The following TMEM212 variants were observed in gnomAD, a reference collection of about 807,000 sequenced individuals.
The protein encoded by TMEM212 is transmembrane protein 212.
TMEM212 carries 23 observed loss-of-function variants against 20.5 expected under a neutral mutation model. The observed-to-expected ratio is 1.12, with a 90% CI of 0.81 to 1.59. TMEM212 has a LOEUF of 1.59. Among genes scored for constraint, TMEM212 ranks in the 40% most tolerant of loss-of-function variants. The pLI is 0.00. For synonymous variants in TMEM212, 76 were observed against 81.6 expected, an observed-to-expected ratio of 0.93 and a Z score of 0.37; for missense variants, 211 against 215.0, an observed-to-expected ratio of 0.98 and a Z score of 0.12.
At chr3:171,853,459 C>A (rs1725035455) in intron 2 of TMEM212, 68 bp from the exon 3 acceptor site, 5 of 1,322,036 alleles carry the variant, frequency 3.8e-6, no homozygotes, top group Non-Finnish European at 3.0e-6. Context: ...TTATTTTCTT[C>A]ATATTGCTAA....
At chr3:171,855,553 A>T (rs555126063) in intron 3 of TMEM212, among the ~76,000 whole-genome samples, 206 of 152,324 alleles carry the variant, frequency 1.4e-3, no homozygotes, top group African/African-American at 4.6e-3. Flanking sequence ...AGCATAAAGG[A>T]TACAGTGGTA....
chr3:171,844,662 T>TGC (rs1724793362), intron 1 of TMEM212, among the ~76,000 whole-genome samples: 1 of 151,962 alleles, frequency 6.6e-6, no homozygotes, highest in African/African-American at 2.4e-5. Flanking sequence ...GCCGAGATCA[T>TGC]ACCACTGCAC....
intron 1 of TMEM212, among the ~76,000 whole-genome samples, chr3:171,848,580 G>GGATAGAATAGAATAGAATAGAATAGA (rs147551281): frequency 6.9e-6 from 1 of 144,528 alleles, no homozygotes; most frequent in South Asian, 2.3e-4. Flanking sequence ...AATAGAATAG[G>GGATAGAATAGAATAGAATAGAATAGA]ATAGAATAGA....
At chr3:171,846,028 C>T (rs994792846) in intron 1 of TMEM212, among the ~76,000 whole-genome samples, 3 of 152,198 alleles carry the variant, frequency 2.0e-5, no homozygotes, top group African/African-American at 7.2e-5. Flanking sequence ...CTTTCCTATC[C>T]TACTCCCTCG....
At chr3:171,855,633 A>G (rs1255658709) in intron 3 of TMEM212, among the ~76,000 whole-genome samples, 1 of 152,226 alleles carries the variant, frequency 6.6e-6, no homozygotes, top group African/African-American at 2.4e-5. Flanking sequence ...ATATTTCCAC[A>G]TGACACATAA....
chr3:171,854,347 A>G (rs1056019822), intron 3 of TMEM212, among the ~76,000 whole-genome samples: 1 of 152,234 alleles, frequency 6.6e-6, no homozygotes, highest in Non-Finnish European at 1.5e-5. Flanking sequence ...CAAGTTCAAC[A>G]TACAAAAATC....
At chr3:171,846,670 T>C (rs1215018783) in intron 1 of TMEM212, among the ~76,000 whole-genome samples, 1 of 152,220 alleles carries the variant, frequency 6.6e-6, no homozygotes, top group Non-Finnish European at 1.5e-5. Context: ...GTGGTATTTA[T>C]ATTATACTAG....
At chr3:171,855,475 G>T (rs1463822419) in intron 3 of TMEM212, among the ~76,000 whole-genome samples, 1 of 151,896 alleles carries the variant, frequency 6.6e-6, no homozygotes, top group Non-Finnish European at 1.5e-5. Flanking sequence ...AAATTAGCCA[G>T]GTATTTCCAT....
chr3:171,845,844 C>T (rs114746098), intron 1 of TMEM212, among the ~76,000 whole-genome samples: 45 of 152,266 alleles, frequency 3.0e-4, no homozygotes, highest in Middle Eastern at 3.4e-3. Flanking sequence ...ACGTGTAAAA[C>T]TGTCCAACCC....
chr3:171,851,832 G>A lies in TMEM212; in HGVS notation c.160-150G>A, dbSNP rs567427757. Reference sequence around the variant, plus strand: ...CCTCGTCATCACAGTTTTTTTCCACGGATGAGGAGGAAATCAGAGCCATAA... The same window carrying A: ...CCTCGTCATCACAGTTTTTTTCCACAGATGAGGAGGAAATCAGAGCCATAA... On this transcript the variant is annotated intron_variant, in intron 1 of 4. Transcript: ENST00000334567. 2.0e-5 allele frequency: 13 copies of A among 662,616 alleles called. 1 individual carries two copies. The highest frequency in any genetic ancestry group is 1.2e-4 in the South Asian group (6 of 52,110). The allele number at this position is 662,616 out of a possible 1,614,324, so 41.0% of individuals were successfully genotyped here.
At chr3:171,851,887 G>T in intron 1 of TMEM212, 95 bp from the exon 2 acceptor site, 1 of 1,121,620 alleles carries the variant, frequency 8.9e-7, no homozygotes, top group South Asian at 1.4e-5. Flanking sequence ...GTTCCTTCAA[G>T]TTCATGATAA....
chr3:171,853,950 T>G, intron 3 of TMEM212, 100 bp downstream of exon 3: 1 of 891,830 alleles, frequency 1.1e-6, no homozygotes, highest in Middle Eastern at 2.2e-4. Context: ...TTATTTACCA[T>G]TGTATCCCAT....
chr3:171,853,816 T>C lies in TMEM212; in HGVS notation c.509T>C (p.Leu170Pro). The C allele has an allele frequency of 6.5e-7, 1 of 1,536,824 alleles. No individual in the cohort carries two copies. Among genetic ancestry groups the C allele is most frequent in the Non-Finnish European group, 8.7e-7 (1 of 1,146,710 alleles). Reference sequence around the variant, plus strand: ...ACATCCTTGACAGTGTTCATCAAACTTTCTGCAAGACTTATCCAGAATGGA... The same window carrying C: ...ACATCCTTGACAGTGTTCATCAAACCTTCTGCAAGACTTATCCAGAATGGA... ...LCTSLTVFIK[L>P]SARLIQNGHI... Residue 170 changes from leucine (L) to proline (P), a missense_variant, in exon 3 of 5, where the codon CTT becomes CCT. By Grantham distance (98) the Leu-to-Pro change is moderately conservative (BLOSUM62 -3). Coordinates refer to ENST00000334567, the MANE Select transcript of TMEM212 (RefSeq NM_001164436.2).
chr3:171,848,580 G>GATAGAATAGAATAGAACAGA (rs1724891761), intron 1 of TMEM212, among the ~76,000 whole-genome samples: 4 of 144,528 alleles, frequency 2.8e-5, no homozygotes, highest in Admixed American at 2.8e-4. Flanking sequence ...AATAGAATAG[G>GATAGAATAGAATAGAACAGA]ATAGAATAGA....
intron 1 of TMEM212, among the ~76,000 whole-genome samples, chr3:171,846,578 G>A (rs182676354): frequency 2.0e-5 from 3 of 152,284 alleles, no homozygotes; most frequent in Admixed American, 2.0e-4. Flanking sequence ...ATGAGTGAAT[G>A]AATCTCATAC....
Position 171,852,150 on chromosome 3 carries a change from G to C in TMEM212, c.219+109G>C. On this transcript the variant is annotated intron_variant, in intron 2 of 4. Transcript: ENST00000334567. ...ATGATTTCCAATTAGAATTGAATTT[G>C]GTCTAATTGATGCCTTACTACAATG... is the stretch of plus-strand genomic sequence containing the variant. 7 of 899,500 alleles carry C rather than the reference G, an allele frequency of 7.8e-6. No individual in the cohort carries two copies. The South Asian group carries it at 1.1e-4, about 14-fold the overall frequency. 55.7% of individuals were successfully genotyped at this position (899,500 alleles called of 1,614,324 possible).
chr3:171,844,261 A>G (rs13065846), intron 1 of TMEM212, among the ~76,000 whole-genome samples: 33,134 of 152,052 alleles, frequency 0.22, 3,849 homozygotes, highest in Middle Eastern at 0.29. Context: ...CTTGGGAGTA[A>G]CTGGCTTCCA....
intron 3 of TMEM212, among the ~76,000 whole-genome samples, chr3:171,855,629 C>T (rs1725096465): frequency 6.6e-6 from 1 of 152,112 alleles, no homozygotes. Flanking sequence ...TGAAATATTT[C>T]CACATGACAC....
chr3:171,853,457 T>C (rs1006402465), intron 2 of TMEM212, 70 bp from the exon 3 acceptor site: 23 of 1,336,584 alleles, frequency 1.7e-5, no homozygotes, highest in Non-Finnish European at 2.2e-5. Context: ...TTTTATTTTC[T>C]TCATATTGCT....
Sources: gnomAD v4.1 joint callset for allele counts (sites outside exome capture counted in the v4.1 genomes callset) on GRCh38, gnomAD v4.1.1 for gene constraint, MANE v1.5 for transcripts, NCBI Gene and HGNC (gene_info 2026-07-23, HGNC 2026-07-21) for gene names.